HTR3D: variants seen among roughly 807,000 people sequenced by gnomAD.
The protein encoded by HTR3D is 5-hydroxytryptamine receptor 3D, also known as 5-hydroxytryptamine (serotonin) receptor 3 family member D.
Under a neutral mutation model 45.8 loss-of-function variants are expected in HTR3D, and 47 were observed. The ratio of observed to expected loss-of-function variants is 1.03; its 90% CI spans 0.81 to 1.31. HTR3D has a LOEUF of 1.31. Ranked by LOEUF, HTR3D falls within the 50% of genes most tolerant of loss-of-function variation. The probability of loss-of-function intolerance (pLI) is 0.00; values close to 1 mark genes in which losing one functional copy is unlikely to be tolerated. For synonymous variants in HTR3D, 203 were observed against 199.8 expected (o/e 1.02, Z -0.13); for missense variants, 448 against 506.9 (o/e 0.88, Z 1.12).
At chr3:184,037,651 C>T (rs1240844689) in intron 5 of HTR3D, among the ~76,000 whole-genome samples, 1 of 152,136 alleles carries the variant, frequency 6.6e-6, no homozygotes, top group Non-Finnish European at 1.5e-5. Flanking sequence ...CAAATGTTCC[C>T]CTGCAAAGTC....
chr3:184,031,724 A>G, upstream of HTR3D: 15 of 1,543,596 alleles, frequency 9.7e-6, no homozygotes, highest in African/African-American at 1.4e-5. Flanking sequence ...TACCCAGAGA[A>G]GTGCCAAAGA....
chr3:184,036,354 CCTT>C lies in HTR3D; in HGVS notation c.198-18_198-16del. On this transcript the variant is annotated intron_variant, in intron 3 of 7. Transcript: ENST00000428798. ...AAACCCACAGCACCTACCTCCCTGT[CCTT>C]CTCCCACACAGCATCAGTGTGGATC... 1 of 1,613,000 alleles carries C rather than the reference CCTT, an allele frequency of 6.2e-7. No homozygotes were observed. The highest frequency in any genetic ancestry group is 1.1e-5 in the South Asian group (1 of 90,976).
At chr3:184,034,517 A>G (rs1053505875) in intron 1 of HTR3D, among the ~76,000 whole-genome samples, 2 of 152,126 alleles carry the variant, frequency 1.3e-5, no homozygotes, top group Non-Finnish European at 2.9e-5. Flanking sequence ...GCTGGACAAC[A>G]GTGTGAATGT....
At chr3:184,035,370 C>T in intron 2 of HTR3D, 148 bp downstream of exon 2, 1 of 788,106 alleles carries the variant, frequency 1.3e-6, no homozygotes, top group South Asian at 1.7e-5. Flanking sequence ...AAATACAAAA[C>T]TTTCTGATTA....
Position 184,038,892 on chromosome 3 carries a change from G to A in HTR3D, c.1132G>A (p.Ala378Thr), listed in dbSNP as rs377613674. 46 of 1,614,236 alleles carry A rather than the reference G, an allele frequency of 2.8e-5. 1 individual carries two copies. Among genetic ancestry groups the A allele is most frequent in the Middle Eastern group, 1.6e-4 (1 of 6,062 alleles). The change falls in exon 8 of 8, where the codon GCG becomes ACG. Residue 378 changes from alanine to threonine, a missense_variant. Ala to Thr is a moderately conservative substitution (Grantham distance 58). Transcript: ENST00000428798. The surrounding 1 kb of genome is among the most constrained non-coding windows in gnomAD (Gnocchi z 4.5). The stretch of plus-strand genomic sequence containing the variant: ...GGAGCTGTGGGTGCAGTTCAGCCAC[G>A]CGATGGACGCCCTGCTCTTCCGCCT... ...SVELWVQFSH[A>T]MDALLFRLYL...
Position 184,038,584 on chromosome 3 carries a change from G to C in HTR3D, c.945G>C (p.Lys315Asn), listed in dbSNP as rs760827390. 1.4e-5 allele frequency: 23 copies of C among 1,613,910 alleles called. No individual in the cohort carries two copies. The highest frequency in any genetic ancestry group is 1.9e-5 in the Non-Finnish European group (22 of 1,180,028). ...QGRCCPTAPQ[K>N]GNKGPGLTPT... ...GATGCTGTCCCACTGCGCCCCAGAA[G>C]GGAAATAAGGGCCCGGGTCTCACCC... The change falls in exon 7 of 8, where the codon AAG becomes AAC. Residue 315 changes from lysine to asparagine, a missense_variant. Physicochemically the swap from Lys to Asn is moderately conservative, Grantham distance 94. Coordinates refer to ENST00000428798, the MANE Select transcript of HTR3D (RefSeq NM_001145143.1). The surrounding 1 kb of genome is among the most constrained non-coding windows in gnomAD (Gnocchi z 4.5).
At chr3:184,032,606 G>A (rs1315814310) in intron 1 of HTR3D, among the ~76,000 whole-genome samples, 1 of 152,208 alleles carries the variant, frequency 6.6e-6, no homozygotes, top group Non-Finnish European at 1.5e-5. Flanking sequence ...GTTGCAGTGA[G>A]ATTGTTAAGG....
Position 184,036,840 on chromosome 3 carries a change from A to G in HTR3D, c.460A>G (p.Lys154Glu). 1 of 1,551,704 alleles carries G rather than the reference A, an allele frequency of 6.4e-7. No individual in the cohort carries two copies. Among genetic ancestry groups the G allele is most frequent in the Non-Finnish European group, 8.7e-7 (1 of 1,146,974 alleles). Residue 154 changes from lysine (K) to glutamate (E), a missense_variant, in exon 5 of 8, where the codon AAA becomes GAA. Physicochemically the swap from Lys to Glu is moderately conservative, Grantham distance 56. Transcript: ENST00000428798. Reference protein sequence around the residue: ...RREWVLLGIQKRTIKVTVATN... With the variant: ...RREWVLLGIQERTIKVTVATN... ...GGAGTGGGTACTGCTGGGTATCCAA[A>G]AAAGAACAATAAAGGTGACCGTGGC... is the stretch of plus-strand genomic sequence containing the variant.
At chr3:184,031,918 G>T in intron 1 of HTR3D, 111 bp downstream of exon 1, 1 of 741,738 alleles carries the variant, frequency 1.3e-6, no homozygotes, top group Non-Finnish European at 2.3e-6. Context: ...GTTCGTTATG[G>T]TAAAAATGAT....
chr3:184,035,933 T>TC (rs938672298), intron 2 of HTR3D, 82 bp from the exon 3 acceptor site: 3 of 1,390,502 alleles, frequency 2.2e-6, no homozygotes, highest in Non-Finnish European at 2.0e-6. Flanking sequence ...CCTTCAGTGA[T>TC]CCCCCCGCCT....
chr3:184,037,033 C>A, intron 5 of HTR3D, 137 bp downstream of exon 5: 1 of 722,360 alleles, frequency 1.4e-6, no homozygotes, highest in Non-Finnish European at 2.1e-6. Flanking sequence ...CGGCCTTTGT[C>A]ACTCTTTTTT....
At chr3:184,033,925 A>G (rs1250053651) in intron 1 of HTR3D, among the ~76,000 whole-genome samples, 2 of 152,270 alleles carry the variant, frequency 1.3e-5, no homozygotes, top group East Asian at 3.9e-4. Flanking sequence ...TCAAAAAAAC[A>G]AAACAAAACA....
intron 1 of HTR3D, chr3:184,032,854 C>T: frequency 6.4e-7 from 1 of 1,551,884 alleles, no homozygotes. Context: ...CTCCAGGCCC[C>T]CCAGCCCTGG....
In HTR3D at chr3:184,039,000, G is replaced by A. The variant is rs777853222; in HGVS notation, c.*25G>A. On this transcript the variant is annotated 3_prime_UTR_variant, in exon 8 of 8. Transcript: ENST00000428798. The surrounding 1 kb of genome is among the most constrained non-coding windows in gnomAD (Gnocchi z 4.5). ...GGCAGGTGCTCACCTGCAAACTTCA[G>A]TCTGGACTTCTTTTTGCCAGAGAAC... The A allele has an allele frequency of 6.2e-7, 1 of 1,610,856 alleles. No homozygotes were observed. The highest frequency in any genetic ancestry group is 8.5e-7 in the Non-Finnish European group (1 of 1,177,828).
intron 3 of HTR3D, 95 bp from the exon 4 acceptor site, chr3:184,036,280 C>T (rs551058430): frequency 2.0e-6 from 3 of 1,526,032 alleles, no homozygotes; most frequent in African/African-American, 2.7e-5. Flanking sequence ...GGGGCTGGAG[C>T]TCGAGAATGG....
rs556828407 is a variant in HTR3D, at chr3:184,037,475, G to A, written c.517-546G>A. Among the ~76,000 whole-genome samples, 5 of 152,238 alleles carry A rather than the reference G, an allele frequency of 3.3e-5. No individual in the cohort carries two copies. In the East Asian group the frequency reaches 7.7e-4, roughly 23 times the overall value. ...GTGATTCATGGTGAGGGTGAGCCCC[G>A]CCTTCCCCAATGGCTGTCAGAACTT... On this transcript the variant is annotated intron_variant, in intron 5 of 7. Transcript: ENST00000428798.
intron 1 of HTR3D, among the ~76,000 whole-genome samples, chr3:184,032,584 G>A (rs1032880884): frequency 2.0e-5 from 3 of 152,228 alleles, no homozygotes; most frequent in African/African-American, 4.8e-5. Context: ...GACACTGGCA[G>A]AAGGTGGAGA....
At chr3:184,031,627 G>A (rs78121843), upstream of HTR3D, 11 of 681,382 alleles carry the variant, frequency 1.6e-5, no homozygotes, top group South Asian at 7.1e-5. Context: ...TTAGAGAGGC[G>A]GTTAATGCCA....
At position 184,038,850 on chromosome 3, in the gene HTR3D, C is replaced by T; in HGVS notation, c.1090C>T (p.Gln364Ter). ...WTRAQREHEA[Q>*]KQHSVELWVQ... ...AAGGGCCCAGCGGGAACACGAGGCC[C>T]AGAAGCAGCACTCGGTGGAGCTGTG... The change falls in exon 8 of 8, where the codon CAG becomes TAG. Residue 364 changes from glutamine (Q) to a stop codon, truncating the protein, a stop_gained. Coordinates refer to ENST00000428798, the MANE Select transcript of HTR3D (RefSeq NM_001145143.1). LOFTEE classifies it high-confidence loss of function. The surrounding 1 kb of genome is among the most constrained non-coding windows in gnomAD (Gnocchi z 4.5). The T allele has an allele frequency of 1.9e-6, 3 of 1,614,198 alleles. No individual in the cohort carries two copies. The highest frequency in any genetic ancestry group is 2.5e-6 in the Non-Finnish European group (3 of 1,180,036).
Sources: gnomAD v4.1 joint callset for allele counts (sites outside exome capture counted in the v4.1 genomes callset) on GRCh38, gnomAD v4.1.1 for gene constraint, Gnocchi (gnomAD v3.1) non-coding constraint, MANE v1.5 for transcripts, NCBI Gene and HGNC (gene_info 2026-07-23, HGNC 2026-07-21) for gene names.